NOX4: variants seen among roughly 807,000 people sequenced by gnomAD.
NOX4 encodes the protein kidney oxidase-1.
A neutral mutation model predicts 87.6 loss-of-function variants in NOX4; 69 were observed. That is an observed-to-expected ratio of 0.79 (90% CI 0.65 to 0.96). The LOEUF (loss-of-function observed/expected upper bound fraction) is 0.96. Among genes scored for constraint, NOX4 ranks in the 40% least tolerant of loss-of-function variants. The probability of loss-of-function intolerance (pLI) is 0.00; values close to 1 mark genes in which losing one functional copy is unlikely to be tolerated. For synonymous variants in NOX4, 275 were observed against 238.2 expected (o/e 1.15, Z -1.42); for missense variants, 680 against 681.5 (o/e 1.00, Z 0.02).
At chr11:89,543,809 A>G in the NOX4 span, among the ~76,000 whole-genome samples, 2 of 152,124 alleles carry the variant, frequency 1.3e-5, no homozygotes, top group Non-Finnish European at 1.5e-5. Flanking sequence ...AATTTGATAG[A>G]TCATTGTGGA....
rs940296616 is a variant in NOX4 at position 89,444,351 on chromosome 11, T to C, written c.350-119A>G. On this transcript the variant is annotated intron_variant, in intron 4 of 17. Transcript: ENST00000263317. ...CAAACTTTGACAGCTATGTGGACAA[T>C]GAAATATTACATTGAAAGGTGAAGT... The C allele has an allele frequency of 5.4e-5, 40 of 743,744 alleles. 1 individual carries two copies. Among genetic ancestry groups the C allele is most frequent in the African/African-American group, 5.3e-4 (30 of 56,344 alleles). The allele number at this position is 743,744 out of a possible 1,614,324, so 46.1% of individuals were successfully genotyped here. A position where few individuals can be genotyped will look rare whatever the true frequency, so the allele number is the denominator to read the frequency against.
chr11:89,330,959 A>C (rs965308604), intron 17 of NOX4, among the ~76,000 whole-genome samples: 2 of 152,060 alleles, frequency 1.3e-5, no homozygotes, highest in Non-Finnish European at 2.9e-5. Context: ...AAGCATATTG[A>C]AAACTTGAAC....
At chr11:89,422,092 A>G in intron 7 of NOX4, 110 bp from the exon 8 acceptor site, 2 of 568,394 alleles carry the variant, frequency 3.5e-6, no homozygotes, top group East Asian at 3.2e-5. Context: ...AAAAGCTAAA[A>G]CATGAGTACA....
At chr11:89,466,944 A>G (rs111255658) in intron 2 of NOX4, among the ~76,000 whole-genome samples, 2,393 of 152,262 alleles carry the variant, frequency 0.016, 63 homozygotes, top group African/African-American at 0.054. Context: ...GTGTATATGT[A>G]ATAAATAAAT....
At chr11:89,427,401 G>A (rs1417732605) in intron 7 of NOX4, among the ~76,000 whole-genome samples, 3 of 152,096 alleles carry the variant, frequency 2.0e-5, no homozygotes, top group Non-Finnish European at 1.5e-5. Context: ...GAGAGAAGAA[G>A]GCTTCAGATG....
intron 2 of NOX4, among the ~76,000 whole-genome samples, chr11:89,489,265 G>A (rs1946749053): frequency 6.6e-6 from 1 of 151,978 alleles, no homozygotes; most frequent in Admixed American, 6.6e-5. Flanking sequence ...TGGTTCCACT[G>A]AATTTGTCTG....
At chr11:89,334,036 A>T (rs1223390068) in intron 17 of NOX4, among the ~76,000 whole-genome samples, 1 of 151,758 alleles carries the variant, frequency 6.6e-6, no homozygotes, top group Non-Finnish European at 1.5e-5. Flanking sequence ...AACTAACTGT[A>T]GGAACCAACA....
intron 7 of NOX4, among the ~76,000 whole-genome samples, chr11:89,431,710 G>A (rs1220258916): frequency 3.3e-5 from 5 of 152,102 alleles, no homozygotes; most frequent in African/African-American, 4.8e-5. Flanking sequence ...AACAGGTGCT[G>A]GAGAGGATGT....
the NOX4 span, among the ~76,000 whole-genome samples, chr11:89,527,578 C>A: frequency 2.0e-5 from 3 of 152,162 alleles, no homozygotes; most frequent in African/African-American, 7.2e-5. Context: ...CCCTGTGTCC[C>A]AGATATGGCT....
the NOX4 span, among the ~76,000 whole-genome samples, chr11:89,540,195 T>C: frequency 6.6e-6 from 1 of 152,136 alleles, no homozygotes; most frequent in Non-Finnish European, 1.5e-5. Context: ...AGAAGCCATA[T>C]AGAAATACTT....
intron 2 of NOX4, among the ~76,000 whole-genome samples, chr11:89,473,199 C>A (rs1946017874): frequency 6.6e-6 from 1 of 152,104 alleles, no homozygotes; most frequent in Admixed American, 6.6e-5. Context: ...TATCTGTGCA[C>A]AGGAGAAGGC....
chr11:89,537,636 T>C, the NOX4 span, among the ~76,000 whole-genome samples: 1,868 of 152,182 alleles, frequency 0.012, 28 homozygotes, highest in African/African-American at 0.035. Flanking sequence ...CTAAACTGCT[T>C]ATTTTTAGAT....
At chr11:89,516,744 G>A in the NOX4 span, among the ~76,000 whole-genome samples, 1 of 151,978 alleles carries the variant, frequency 6.6e-6, no homozygotes, top group South Asian at 2.1e-4. Flanking sequence ...TTCTTTCAAT[G>A]CCGGATTTTT....
intron 12 of NOX4, among the ~76,000 whole-genome samples, chr11:89,367,618 A>T (rs2135034181): frequency 6.6e-6 from 1 of 152,112 alleles, no homozygotes; most frequent in Admixed American, 6.6e-5. Flanking sequence ...CATTTGCTTG[A>T]CACTAAAAAA....
intron 16 of NOX4, 94 bp downstream of exon 16, chr11:89,337,353 C>T (rs996624112): frequency 2.8e-5 from 44 of 1,568,408 alleles, no homozygotes; most frequent in South Asian, 1.7e-4. Context: ...AACTTCTGTT[C>T]GAACCACCTG....
At chr11:89,328,169 G>A (rs533571343) in intron 17 of NOX4, among the ~76,000 whole-genome samples, 1 of 152,262 alleles carries the variant, frequency 6.6e-6, no homozygotes, top group Admixed American at 6.5e-5. Flanking sequence ...ACAGAAAGAC[G>A]CCTCGGAGAT....
At chr11:89,479,537 A>G (rs891854952) in intron 2 of NOX4, among the ~76,000 whole-genome samples, 1 of 152,122 alleles carries the variant, frequency 6.6e-6, no homozygotes, top group Non-Finnish European at 1.5e-5. Flanking sequence ...TATATCACTC[A>G]TCTCTTCTTC....
At chr11:89,456,960 T>C (rs1945230857) in intron 2 of NOX4, among the ~76,000 whole-genome samples, 1 of 152,116 alleles carries the variant, frequency 6.6e-6, no homozygotes, top group Non-Finnish European at 1.5e-5. Flanking sequence ...TCTGCTGGCC[T>C]CTCCTGGGTA....
At chr11:89,410,079 A>C (rs186733397) in intron 8 of NOX4, among the ~76,000 whole-genome samples, 498 of 152,122 alleles carry the variant, frequency 3.3e-3, no homozygotes, top group Non-Finnish European at 5.5e-3. Flanking sequence ...AAATAAAATA[A>C]AATAAGAGGC....
Sources: allele counts gnomAD v4.1 joint callset (sites outside exome capture counted in the v4.1 genomes callset), GRCh38; gene constraint gnomAD v4.1.1; transcripts MANE v1.5; gene names NCBI Gene and HGNC (gene_info 2026-07-23, HGNC 2026-07-21).